The following ZNF155 variants were observed in gnomAD, a reference collection of about 807,000 sequenced individuals.
The protein encoded by ZNF155 is zinc finger protein 155.
In ZNF155, 15 loss-of-function variants were observed where a neutral mutation model predicts 11.9. The observed-to-expected ratio is 1.26, with a 90% CI of 0.84 to 1.94. The LOEUF is 1.94. Among genes scored for constraint, ZNF155 ranks in the 30% most tolerant of loss-of-function variants. The pLI, the probability that ZNF155 is intolerant of heterozygous loss-of-function variation, is 0.00. For synonymous variants in ZNF155, 212 were observed against 219.9 expected (o/e 0.96, Z 0.32); for missense variants, 602 against 639.1 (o/e 0.94, Z 0.63).
chr19:43,987,527 G>A (rs1368851961), intron 1 of ZNF155, among the ~76,000 whole-genome samples: 5 of 152,170 alleles, frequency 3.3e-5, no homozygotes, highest in Non-Finnish European at 1.5e-5. Context: ...AAAGTGATAA[G>A]GTTTCCTTCC....
chr19:43,996,931 T>G lies in ZNF155; in HGVS notation c.1074T>G (p.Asp358Glu). 1.2e-6 allele frequency: 2 copies of G among 1,609,768 alleles called. No homozygotes were observed. Among genetic ancestry groups the G allele is most frequent in the Non-Finnish European group, 1.7e-6 (2 of 1,177,434 alleles). ...QCGKGFIGRL[D>E]FYKHQVVHTG... ...GAAAAGGCTTTATTGGTAGGCTAGA[T>G]TTTTATAAGCATCAGGTGGTCCACA... The change falls in exon 5 of 5, where the codon GAT becomes GAG. Residue 358 changes from aspartate (D) to glutamate (E), a missense_variant. Asp to Glu is a conservative substitution (Grantham distance 45). Transcript: ENST00000270014.
chr19:43,989,993 G>T, intron 2 of ZNF155: 1 of 1,352,772 alleles, frequency 7.4e-7, no homozygotes, highest in South Asian at 1.5e-5. Flanking sequence ...AAATAAGTGA[G>T]AATAATAGAA....
At position 43,997,021 on chromosome 19, in the gene ZNF155, G is replaced by GA; in HGVS notation, c.1166dup (p.Asn389LysfsTer15). The GA allele has an allele frequency of 1.2e-6, 2 of 1,614,092 alleles. No individual in the cohort carries two copies. Among genetic ancestry groups the GA allele is most frequent in the South Asian group, 2.2e-5 (2 of 91,076 alleles). On this transcript the variant is annotated frameshift_variant, in exon 5 of 5. Transcript: ENST00000270014. LOFTEE classifies it low-confidence loss of function (END_TRUNC). ...GCTTCAGATGGTCCTCATGCCTTTT[G>GA]AACCATCAGCGAGTCCACAGTGGAG...
chr19:43,992,057 C>T, intron 4 of ZNF155, 123 bp downstream of exon 4: 1 of 907,514 alleles, frequency 1.1e-6, no homozygotes, highest in Non-Finnish European at 1.6e-6. Context: ...ATTACAACTG[C>T]CTTCCAGTTG....
At chr19:43,993,589 T>G (rs1975737067) in intron 4 of ZNF155, among the ~76,000 whole-genome samples, 1 of 152,122 alleles carries the variant, frequency 6.6e-6, no homozygotes, top group African/African-American at 2.4e-5. Flanking sequence ...AATTTTTGTA[T>G]TTTTAGTAGA....
In ZNF155 at chr19:43,985,533, CTTTTTTTT is replaced by C. The variant is rs752604890; in HGVS notation, c.-86+1303_-86+1310del. Reference sequence around the variant, plus strand: ...TCTGTGGAAAGGTATTGCTCTTTTTCTTTTTTTTTTTTTTTTTTTTTTCCTGAGACGGA... The same window carrying C: ...TCTGTGGAAAGGTATTGCTCTTTTTCTTTTTTTTTTTTTTCCTGAGACGGA... On this transcript the variant is annotated intron_variant, in intron 1 of 4. Coordinates refer to ENST00000270014, the MANE Select transcript of ZNF155 (RefSeq NM_198089.3). Among the ~76,000 whole-genome samples the C allele has an allele frequency of 3.0e-3, 294 of 97,874 alleles. 2 individuals carry two copies. The highest frequency in any genetic ancestry group is 9.6e-3 in the African/African-American group (271 of 28,240). 64.2% of individuals were successfully genotyped at this position (97,874 alleles called of 152,430 possible). A position where few individuals can be genotyped will look rare whatever the true frequency, so the allele number is the denominator to read the frequency against.
rs746901482 is a variant in ZNF155 at position 43,997,102 on chromosome 19, G to C, written c.1245G>C (p.Leu415=). 3.3e-5 allele frequency: 53 copies of C among 1,613,312 alleles called. No individual in the cohort carries two copies. The highest frequency in any genetic ancestry group is 2.7e-4 in the Admixed American group (16 of 59,980). Residue 415 remains leucine, a synonymous_variant, in exon 5 of 5, where the codon CTG becomes CTC. Transcript: ENST00000270014. The part of the protein sequence containing the change: ...CGKGFYTNSQ[L]SSHQRSHSGE... ...AGGGATTTTATACAAATTCACAACT[G>C]TCTTCCCATCAGAGATCCCACAGTG...
chr19:43,996,792 G>A lies in ZNF155; in HGVS notation c.935G>A (p.Gly312Glu). ...RLKSHSMVHT[G>E]EKPFRCDTCD... Reference sequence around the variant, plus strand: ...AAGAGCCATTCCATGGTTCACACAGGAGAAAAACCATTTAGGTGTGATACA... The same window carrying A: ...AAGAGCCATTCCATGGTTCACACAGAAGAAAAACCATTTAGGTGTGATACA... The change falls in exon 5 of 5, where the codon GGA (glycine) becomes GAA (glutamate). Residue 312 changes from glycine to glutamate, a missense_variant. Transcript: ENST00000270014. The A allele has an allele frequency of 6.2e-7, 1 of 1,613,162 alleles. No homozygotes were observed. The highest frequency in any genetic ancestry group is 2.2e-5 in the East Asian group (1 of 44,878).
intron 2 of ZNF155, 56 bp downstream of exon 2, chr19:43,988,614 C>T: frequency 1.3e-6 from 2 of 1,563,932 alleles, no homozygotes; most frequent in African/African-American, 2.7e-5. Context: ...CTCATATTTT[C>T]ATGTGTTTTT....
chr19:43,990,627 T>C (rs1368722533), intron 2 of ZNF155, among the ~76,000 whole-genome samples: 1 of 152,172 alleles, frequency 6.6e-6, no homozygotes, highest in Admixed American at 6.5e-5. Flanking sequence ...CAATTAACAT[T>C]TGTGGTTTGT....
Position 43,996,451 on chromosome 19 carries a change from C to A in ZNF155, c.594C>A (p.His198Gln). ...CTCTTCATGTTCATCAGAGAGTCCA[C>A]GTGGGAGAGAAACTCTTTATGTGTG... is the stretch of plus-strand genomic sequence containing the variant. ...ISALHVHQRVHVGEKLFMCDV... is the reference protein window; with the variant it reads ...ISALHVHQRVQVGEKLFMCDV... The change falls in exon 5 of 5, where the codon CAC becomes CAA. Residue 198 changes from histidine to glutamine, a missense_variant. His to Gln is a conservative substitution (Grantham distance 24). Coordinates refer to ENST00000270014, the MANE Select transcript of ZNF155 (RefSeq NM_198089.3). 6.2e-7 allele frequency: 1 copy of A among 1,614,168 alleles called. No homozygotes were observed. The highest frequency in any genetic ancestry group is 8.5e-7 in the Non-Finnish European group (1 of 1,180,028).
rs768988429 is a variant in ZNF155 at position 43,996,376 on chromosome 19, G to T, written c.519G>T (p.Glu173Asp). 6.2e-7 allele frequency: 1 copy of T among 1,614,076 alleles called. No homozygotes were observed. The highest frequency in any genetic ancestry group is 8.5e-7 in the Non-Finnish European group (1 of 1,180,046). ...FDLPQQLYSE[E>D]KSYTCDECGK... ...TTCCTCAGCAGTTATACTCAGAAGA[G>T]AAGTCTTATACATGTGATGAGTGTG... The change falls in exon 5 of 5, where the codon GAG becomes GAT. Residue 173 changes from glutamate (E) to aspartate (D), a missense_variant. Glu to Asp is a conservative substitution (Grantham distance 45, BLOSUM62 2). Coordinates refer to ENST00000270014, the MANE Select transcript of ZNF155 (RefSeq NM_198089.3).
chr19:43,991,950 C>G lies in ZNF155; in HGVS notation c.235+16C>G. The stretch of plus-strand genomic sequence containing the variant: ...GGGAATTCAGGTAAGAACTAAGCAT[C>G]TGTGTGTCCTTGTACCTGACTCTCC... On this transcript the variant is annotated intron_variant, in intron 4 of 4. Transcript: ENST00000270014. 6.2e-7 allele frequency: 1 copy of G among 1,606,930 alleles called. No individual in the cohort carries two copies. Among genetic ancestry groups the G allele is most frequent in the Non-Finnish European group, 8.5e-7 (1 of 1,175,304 alleles).
chr19:43,995,875 T>A (rs964359303), intron 4 of ZNF155, among the ~76,000 whole-genome samples: 6 of 152,230 alleles, frequency 3.9e-5, no homozygotes, highest in East Asian at 1.9e-4. Context: ...ATCATATTTT[T>A]AAATTAAGTC....
intron 2 of ZNF155, chr19:43,990,040 G>A (rs757566963): frequency 2.0e-6 from 3 of 1,497,508 alleles, no homozygotes; most frequent in African/African-American, 1.4e-5. Context: ...AAGACTGTGG[G>A]AATACTTATA....
Position 43,997,063 on chromosome 19 carries a change from T to C in ZNF155, c.1206T>C (p.Cys402=), listed in dbSNP as rs767469290. The change falls in exon 5 of 5, where the codon TGT becomes TGC. Residue 402 remains cysteine, a synonymous_variant. Transcript: ENST00000270014. ...ACAGTGGAGAAAAAAGCTTCAAATG[T>C]GAAGAATGTGGAAAGGGATTTTATA... ...RVHSGEKSFK[C]EECGKGFYTN... 26 of 1,613,674 alleles carry C rather than the reference T, an allele frequency of 1.6e-5. No individual in the cohort carries two copies. Among genetic ancestry groups the C allele is most frequent in the Non-Finnish European group, 1.7e-6 (2 of 1,179,770 alleles).
chr19:43,994,112 A>G (rs1975753476), intron 4 of ZNF155, among the ~76,000 whole-genome samples: 2 of 152,202 alleles, frequency 1.3e-5, no homozygotes, highest in South Asian at 2.1e-4. Flanking sequence ...GTAGTCTTCA[A>G]TATAAAAAGT....
At position 43,997,917 on chromosome 19, in the gene ZNF155, T is replaced by G. The variant is rs991663480; in HGVS notation, c.*443T>G. On this transcript the variant is annotated 3_prime_UTR_variant, in exon 5 of 5. Coordinates refer to ENST00000270014, the MANE Select transcript of ZNF155 (RefSeq NM_198089.3). Reference sequence around the variant, plus strand: ...CAGCAGGCTCCGAGGAAAAAGTTTCTTCTTTTGTGGGCATGAACACAGTGG... The same window carrying G: ...CAGCAGGCTCCGAGGAAAAAGTTTCGTCTTTTGTGGGCATGAACACAGTGG... The G allele has an allele frequency of 6.4e-6, 1 of 156,020 alleles. No homozygotes were observed. Among genetic ancestry groups the G allele is most frequent in the African/African-American group, 2.4e-5 (1 of 41,484 alleles). 9.7% of individuals were successfully genotyped at this position (156,020 alleles called of 1,614,324 possible).
intron 4 of ZNF155, among the ~76,000 whole-genome samples, chr19:43,992,644 C>A (rs1318873752): frequency 1.3e-5 from 2 of 152,256 alleles, no homozygotes; most frequent in African/African-American, 4.8e-5. Context: ...CCTCTGCCTT[C>A]TACCTTTCAG....
Sources: gnomAD v4.1 joint callset for allele counts (sites outside exome capture counted in the v4.1 genomes callset) on GRCh38, gnomAD v4.1.1 for gene constraint, MANE v1.5 for transcripts, NCBI Gene and HGNC (gene_info 2026-07-23, HGNC 2026-07-21) for gene names.